TXLNB: variants seen among roughly 807,000 people sequenced by gnomAD.
TXLNB encodes the protein beta-taxilin.
TXLNB carries 37 observed loss-of-function variants against 57.4 expected under a neutral mutation model. The observed-to-expected ratio is 0.64, with a 90% CI of 0.50 to 0.85. TXLNB has a LOEUF of 0.85. TXLNB is among the 40% of genes least tolerant of loss of function. TXLNB has a pLI of 0.00. For synonymous variants in TXLNB, 302 were observed against 309.6 expected (o/e 0.98, Z 0.26); for missense variants, 848 against 825.6 (o/e 1.03, Z -0.33).
the TXLNB span, among the ~76,000 whole-genome samples, chr6:139,193,241 C>CTTTTTTTTTTTTTTTTTTTTTTTTTTTT: frequency 4.0e-5 from 4 of 101,212 alleles, no homozygotes; most frequent in Non-Finnish European, 2.0e-5. Context: ...CTTTGACCCT[C>CTTTTTTTTTTTTTTTTTTTTTTTTTTTT]TTTTTTTTTT....
At chr6:139,303,785 T>C in the TXLNB span, among the ~76,000 whole-genome samples, 1,356 of 151,468 alleles carry the variant, frequency 9.0e-3, 21 homozygotes, top group African/African-American at 0.031. Context: ...AAGAAAATAT[T>C]TGTAGTTTTG....
the TXLNB span, among the ~76,000 whole-genome samples, chr6:139,190,341 G>A: frequency 5.8e-5 from 7 of 121,672 alleles, no homozygotes; most frequent in East Asian, 4.3e-4. Context: ...ACAGAGTCTC[G>A]CTTTATTGCC....
At chr6:139,221,285 T>C in the TXLNB span, among the ~76,000 whole-genome samples, 2 of 151,910 alleles carry the variant, frequency 1.3e-5, no homozygotes, top group South Asian at 2.1e-4. Context: ...ATGCTTTTAG[T>C]TGGGACCCTC....
At chr6:139,220,996 C>A in the TXLNB span, among the ~76,000 whole-genome samples, 56 of 152,276 alleles carry the variant, frequency 3.7e-4, no homozygotes, top group African/African-American at 1.2e-3. Flanking sequence ...GGTAACCCTG[C>A]ATCCAAGAAC....
At chr6:139,208,030 C>T in the TXLNB span, among the ~76,000 whole-genome samples, 4 of 151,780 alleles carry the variant, frequency 2.6e-5, no homozygotes, top group Non-Finnish European at 5.9e-5. Context: ...AAGCCGAGAT[C>T]GCACCACTGC....
intron 1 of TXLNB, among the ~76,000 whole-genome samples, chr6:139,291,106 A>G (rs113268163): frequency 3.9e-4 from 60 of 152,310 alleles, no homozygotes; most frequent in African/African-American, 1.3e-3. Flanking sequence ...GATTGCACTC[A>G]TCTATATATA....
chr6:139,188,267 G>A, the TXLNB span, among the ~76,000 whole-genome samples: 1 of 152,202 alleles, frequency 6.6e-6, no homozygotes, highest in South Asian at 2.1e-4. Flanking sequence ...AGGCCTCAGT[G>A]AGGCAGTGAG....
chr6:139,216,488 G>T, the TXLNB span, among the ~76,000 whole-genome samples: 11 of 108,858 alleles, frequency 1.0e-4, no homozygotes, highest in South Asian at 4.2e-4. Context: ...GGTGGGGGGA[G>T]GGGGGAGGGA....
the TXLNB span, among the ~76,000 whole-genome samples, chr6:139,302,107 T>C: frequency 1.4e-4 from 21 of 152,176 alleles, no homozygotes; most frequent in Admixed American, 1.2e-3. Flanking sequence ...TTTGCTTAGA[T>C]GAATTTTTGT....
At chr6:139,226,259 C>T in the TXLNB span, among the ~76,000 whole-genome samples, 9 of 138,508 alleles carry the variant, frequency 6.5e-5, no homozygotes, top group African/African-American at 2.5e-4. Context: ...GATTGCTCCA[C>T]GCCACTGCAC....
Position 139,262,646 on chromosome 6 carries a change from C to T in TXLNB, c.815G>A (p.Cys272Tyr), listed in dbSNP as rs765167191. ...EQQSERNMKL[C>Y]QENTELAEKL... Reference sequence around the variant, plus strand: ...TTCTGCAAGCTCTGTGTTCTCCTGACAGAGCTTCATATTTCGCTCACTCTG... The same window carrying T: ...TTCTGCAAGCTCTGTGTTCTCCTGATAGAGCTTCATATTTCGCTCACTCTG... The change falls in exon 5 of 10, where the codon TGT (cysteine) becomes TAT (tyrosine). Residue 272 changes from cysteine to tyrosine, a missense_variant. Physicochemically the swap from Cys to Tyr is radical, Grantham distance 194. Coordinates refer to ENST00000358430, the MANE Select transcript of TXLNB (RefSeq NM_153235.4). 33 of 1,614,186 alleles carry T rather than the reference C, an allele frequency of 2.0e-5. No homozygotes were observed. In the Middle Eastern group the frequency reaches 4.9e-4, roughly 24 times the overall value.
At chr6:139,217,526 G>A in the TXLNB span, among the ~76,000 whole-genome samples, 1 of 152,054 alleles carries the variant, frequency 6.6e-6, no homozygotes, top group African/African-American at 2.4e-5. Flanking sequence ...CAGGATTAAC[G>A]TCTGCTTCAT....
chr6:139,164,753 T>G, the TXLNB span, among the ~76,000 whole-genome samples: 1 of 152,062 alleles, frequency 6.6e-6, no homozygotes, highest in Non-Finnish European at 1.5e-5. Context: ...TGAAGCACCC[T>G]TGTCATCCCA....
the TXLNB span, among the ~76,000 whole-genome samples, chr6:139,212,503 G>A: frequency 2.7e-5 from 4 of 150,934 alleles, no homozygotes; most frequent in Non-Finnish European, 4.4e-5. Flanking sequence ...AGGAACAACC[G>A]GTACCAGCCA....
intron 2 of TXLNB, 64 bp from the exon 3 acceptor site, chr6:139,276,985 G>T: frequency 8.1e-7 from 1 of 1,230,878 alleles, no homozygotes; most frequent in Non-Finnish European, 1.1e-6. Context: ...AAGGGCTGGA[G>T]TCTCAGATTG....
intron 3 of TXLNB, among the ~76,000 whole-genome samples, chr6:139,275,880 A>G (rs995114829): frequency 2.0e-5 from 3 of 152,188 alleles, no homozygotes; most frequent in South Asian, 4.1e-4. Flanking sequence ...CTCAGCTGCA[A>G]TGGTAAATCT....
chr6:139,297,419 A>G, the TXLNB span, among the ~76,000 whole-genome samples: 1 of 152,218 alleles, frequency 6.6e-6, no homozygotes, highest in African/African-American at 2.4e-5. Context: ...ATACTAGTAA[A>G]GAAATGTCTG....
At chr6:139,289,915 T>C (rs908343283) in intron 1 of TXLNB, among the ~76,000 whole-genome samples, 3 of 152,240 alleles carry the variant, frequency 2.0e-5, no homozygotes, top group Non-Finnish European at 4.4e-5. Context: ...ATATTTTGCT[T>C]AGTGTGAATA....
At chr6:139,302,013 C>A in the TXLNB span, among the ~76,000 whole-genome samples, 5 of 151,872 alleles carry the variant, frequency 3.3e-5, no homozygotes, top group Non-Finnish European at 5.9e-5. Context: ...GGGTGGAAAG[C>A]AAACAAAAAT....
Sources: gnomAD v4.1 joint callset for allele counts (sites outside exome capture counted in the v4.1 genomes callset) on GRCh38, gnomAD v4.1.1 for gene constraint, MANE v1.5 for transcripts, NCBI Gene and HGNC (gene_info 2026-07-23, HGNC 2026-07-21) for gene names.